SLC7A9: variants seen among roughly 807,000 people sequenced by gnomAD.
The protein encoded by SLC7A9 is B(0,+)-type amino acid transporter 1.
Under a neutral mutation model 54.1 loss-of-function variants are expected in SLC7A9, and 38 were observed. The ratio of observed to expected loss-of-function variants is 0.70; its 90% CI spans 0.54 to 0.92. The LOEUF is 0.92. Ranked by LOEUF, SLC7A9 falls within the 40% of genes least tolerant of loss-of-function variation. The probability of loss-of-function intolerance (pLI) is 0.00; values close to 1 mark genes in which losing one functional copy is unlikely to be tolerated. For synonymous variants in SLC7A9, 264 were observed against 258.9 expected, an observed-to-expected ratio of 1.02 and a Z score of -0.19; for missense variants, 537 against 636.1, an observed-to-expected ratio of 0.84 and a Z score of 1.68.
At chr19:32,864,413 C>G in intron 3 of SLC7A9, 75 bp from the exon 4 acceptor site, 5 of 1,596,582 alleles carry the variant, frequency 3.1e-6, no homozygotes, top group Non-Finnish European at 4.3e-6. Context: ...TTCCTCCCAC[C>G]GGAGGCTGCG....
chr19:32,860,013 G>C, intron 7 of SLC7A9, 49 bp from the exon 8 acceptor site: 1 of 1,613,772 alleles, frequency 6.2e-7, no homozygotes, highest in Non-Finnish European at 8.5e-7. Context: ...ACAGCCTCCC[G>C]CGGAAGATGG....
At chr19:32,846,185 C>A (rs1302399507) in intron 9 of SLC7A9, among the ~76,000 whole-genome samples, 2 of 152,190 alleles carry the variant, frequency 1.3e-5, no homozygotes, top group Non-Finnish European at 2.9e-5. Flanking sequence ...ACAGTGGGTG[C>A]AGCACACCGT....
In SLC7A9 at chr19:32,864,437, G is replaced by A. The variant is rs547467836; in HGVS notation, c.236-99C>T. The A allele has an allele frequency of 2.1e-4, 326 of 1,566,960 alleles. No individual in the cohort carries two copies. In the African/African-American group the frequency reaches 4.0e-3, roughly 19 times the overall value. On this transcript the variant is annotated intron_variant, in intron 3 of 12. Coordinates refer to ENST00000023064, the MANE Select transcript of SLC7A9 (RefSeq NM_014270.5). Reference sequence around the variant, plus strand: ...CCGGAGGCTGCGCTCGTATGGAGGGGCCCACCGTGGTCCGCCCTCGCTGGA... The same window carrying A: ...CCGGAGGCTGCGCTCGTATGGAGGGACCCACCGTGGTCCGCCCTCGCTGGA...
chr19:32,862,535 T>A lies in SLC7A9; in HGVS notation c.530A>T (p.Gln177Leu). ...CAGCTTGGCCGCGGTGAAGATGTTC[T>A]GGACGTAGCTTCCCAGCCGCACGCT... ...SLSVRLGSYV[Q>L]NIFTAAKLVI... Residue 177 changes from glutamine (Q) to leucine (L), a missense_variant, in exon 5 of 13, where the codon CAG (glutamine) becomes CTG (leucine). Coordinates refer to ENST00000023064, the MANE Select transcript of SLC7A9 (RefSeq NM_014270.5). 6.2e-7 allele frequency: 1 copy of A among 1,613,898 alleles called. No individual in the cohort carries two copies. Among genetic ancestry groups the A allele is most frequent in the Non-Finnish European group, 8.5e-7 (1 of 1,180,038 alleles).
intron 2 of SLC7A9, among the ~76,000 whole-genome samples, chr19:32,865,640 T>C (rs1460199123): frequency 6.6e-6 from 1 of 152,082 alleles, no homozygotes. Flanking sequence ...TCTGGGGTGG[T>C]ACATCTGTCA....
In SLC7A9 at chr19:32,842,314, T is replaced by TAC. The variant is rs778004427; in HGVS notation, c.1076_1077dup (p.Ile360ValfsTer3). On this transcript the variant is annotated frameshift_variant, in exon 11 of 13. Coordinates refer to ENST00000023064, the MANE Select transcript of SLC7A9 (RefSeq NM_014270.5). LOFTEE classifies it high-confidence loss of function. Reference sequence around the variant, plus strand: ...GGGATGATATAAATCGTTGCTATGATACCCTAATAGAAAGAAGAATGGATT... The same window carrying TAC: ...GGGATGATATAAATCGTTGCTATGATACACCCTAATAGAAAGAAGAATGGATT... The TAC allele has an allele frequency of 6.2e-7, 1 of 1,613,362 alleles. No individual in the cohort carries two copies. The highest frequency in any genetic ancestry group is 1.1e-5 in the South Asian group (1 of 91,072).
At chr19:32,863,194 C>G (rs1288418546) in intron 4 of SLC7A9, 2 of 152,606 alleles carry the variant, frequency 1.3e-5, no homozygotes, top group African/African-American at 4.8e-5. Flanking sequence ...TAAATGCAAC[C>G]TCCACCTCCC....
rs774871326 is a variant in SLC7A9 at position 32,859,900 on chromosome 19, C to T, written c.814G>A (p.Val272Met). Residue 272 changes from valine to methionine, a missense_variant, in exon 8 of 13, where the codon GTG (valine) becomes ATG (methionine). Val to Met is a conservative substitution (Grantham distance 21). Coordinates refer to ENST00000023064, the MANE Select transcript of SLC7A9 (RefSeq NM_014270.5). ...GCAGTCATCACGGTGAAGTAGGACA[C>T]GTTCATGAGGATGTAGCACGCCGTC... is the stretch of plus-strand genomic sequence containing the variant. ...LVTACYILMN[V>M]SYFTVMTATE... is the part of the protein sequence containing the mutation. 4.0e-5 allele frequency: 65 copies of T among 1,614,032 alleles called. 1 individual carries two copies. Among genetic ancestry groups the T allele is most frequent in the African/African-American group, 3.5e-4 (26 of 74,924 alleles).
chr19:32,864,830 A>G, intron 2 of SLC7A9, 54 bp from the exon 3 acceptor site: 2 of 1,611,944 alleles, frequency 1.2e-6, no homozygotes, highest in Non-Finnish European at 1.7e-6. Flanking sequence ...CCCAGCCCAG[A>G]AGGCCAGGTG....
intron 11 of SLC7A9, 59 bp downstream of exon 11, chr19:32,842,109 T>G: frequency 1.3e-6 from 2 of 1,542,654 alleles, no homozygotes; most frequent in African/African-American, 2.7e-5. Context: ...TTTGAAAGAG[T>G]TACATCTAAT....
intron 11 of SLC7A9, among the ~76,000 whole-genome samples, chr19:32,835,233 C>T (rs1033288159): frequency 9.2e-5 from 14 of 152,020 alleles, no homozygotes; most frequent in Admixed American, 5.2e-4. Context: ...ATCGTTATTC[C>T]TAAGTGAGAT....
intron 9 of SLC7A9, among the ~76,000 whole-genome samples, chr19:32,852,135 C>T (rs1225843644): frequency 2.0e-5 from 3 of 151,830 alleles, no homozygotes; most frequent in Non-Finnish European, 4.4e-5. Context: ...AACAAACCTG[C>T]ACATTGTGCA....
intron 9 of SLC7A9, among the ~76,000 whole-genome samples, chr19:32,852,645 TATTA>T (rs1490244994): frequency 6.6e-6 from 1 of 152,194 alleles, no homozygotes; most frequent in African/African-American, 2.4e-5. Flanking sequence ...ATGAACTTGA[TATTA>T]ATTCCCAAAA....
At chr19:32,843,411 C>CATG (rs1213153528) in intron 10 of SLC7A9, among the ~76,000 whole-genome samples, 1 of 152,054 alleles carries the variant, frequency 6.6e-6, no homozygotes, top group African/African-American at 2.4e-5. Flanking sequence ...GAGCCAAGAT[C>CATG]ATGGCACTGC....
At chr19:32,840,975 G>A (rs1968111830) in intron 11 of SLC7A9, among the ~76,000 whole-genome samples, 1 of 152,130 alleles carries the variant, frequency 6.6e-6, no homozygotes, top group Admixed American at 6.6e-5. Context: ...GTTTCTATGA[G>A]GGATTTTGTG....
rs537620505 is a variant in SLC7A9 at position 32,861,434 on chromosome 19, C to T, written c.704+684G>A. Among the ~76,000 whole-genome samples the T allele has an allele frequency of 3.3e-5, 5 of 152,230 alleles. No individual in the cohort carries two copies. The East Asian group carries it at 7.7e-4, about 24-fold the overall frequency. ...TATTTATTTTTGTAGGGCAGTCCCC[C>T]AAACCATAATAGATTCAGAGAGGCT... On this transcript the variant is annotated intron_variant, in intron 6 of 12. Coordinates refer to ENST00000023064, the MANE Select transcript of SLC7A9 (RefSeq NM_014270.5).
In SLC7A9 at chr19:32,864,327, A is replaced by G; in HGVS notation, c.247T>C (p.Phe83Leu). 1 of 1,613,984 alleles carries G rather than the reference A, an allele frequency of 6.2e-7. No homozygotes were observed. Among genetic ancestry groups the G allele is most frequent in the Non-Finnish European group, 8.5e-7 (1 of 1,179,998 alleles). The change falls in exon 4 of 13, where the codon TTT becomes CTT. Residue 83 changes from phenylalanine to leucine, a missense_variant. Transcript: ENST00000023064. ...GTGATCATTGTGCCAAGCTCCGCAA[A>G]GCACAGGGCACCTGGAACACAGAGA... ...GVLATLGALC[F>L]AELGTMITKS...
intron 3 of SLC7A9, 95 bp downstream of exon 3, chr19:32,864,533 AG>A: frequency 6.4e-7 from 1 of 1,556,262 alleles, no homozygotes; most frequent in Non-Finnish European, 8.8e-7. Flanking sequence ...ATGTGCCAAG[AG>A]GGATACTGGC....
chr19:32,848,910 T>G (rs1968381010), intron 9 of SLC7A9, among the ~76,000 whole-genome samples: 1 of 152,144 alleles, frequency 6.6e-6, no homozygotes, highest in African/African-American at 2.4e-5. Flanking sequence ...ACATGGAAAC[T>G]GAACAACCTG....
Sources: allele counts gnomAD v4.1 joint callset (sites outside exome capture counted in the v4.1 genomes callset), GRCh38; gene constraint gnomAD v4.1.1; transcripts MANE v1.5; gene names NCBI Gene and HGNC (gene_info 2026-07-23, HGNC 2026-07-21).